Variants in NYAP2 observed in about 807,000 individuals in gnomAD.
NYAP2 encodes neuronal tyrosine-phosphorylated phosphoinositide-3-kinase adaptor 2.
NYAP2 carries 23 observed loss-of-function variants against 50.4 expected under a neutral mutation model. The observed-to-expected ratio is 0.46, with a 90% CI of 0.33 to 0.65. NYAP2 has a LOEUF of 0.65. Among genes scored for constraint, NYAP2 ranks in the 30% least tolerant of loss-of-function variants. The pLI is 0.02. For synonymous variants in NYAP2, 394 were observed against 365.2 expected (o/e 1.08, Z -0.90); for missense variants, 885 against 861.0 (o/e 1.03, Z -0.35).
intron 4 of NYAP2, among the ~76,000 whole-genome samples, chr2:225,550,158 A>G (rs1281935916): frequency 6.6e-6 from 1 of 152,194 alleles, no homozygotes; most frequent in African/African-American, 2.4e-5. Flanking sequence ...CAGGAGGAAA[A>G]AAGTCATTAA....
chr2:225,608,981 T>A (rs1692835901), intron 5 of NYAP2, among the ~76,000 whole-genome samples: 1 of 152,114 alleles, frequency 6.6e-6, no homozygotes, highest in African/African-American at 2.4e-5. Context: ...GCCATTGTAA[T>A]CACACTGGCC....
At position 225,582,644 on chromosome 2, in the gene NYAP2, G is replaced by A. The variant is rs760442473; in HGVS notation, c.1227G>A (p.Ala409=). The change falls in exon 5 of 7, where the codon GCG becomes GCA. Residue 409 remains alanine, a synonymous_variant. Coordinates refer to ENST00000636099, the Ensembl canonical transcript of NYAP2. This position sits in a 1 kb window ranked among gnomAD's most constrained non-coding sequence, Gnocchi z 7.0. ...TGGGACCTGCCTCTGCCACCCCTGC[G>A]CTCTCCTCGTCGCCCCCACCCCCGT... 19 of 1,597,178 alleles carry A rather than the reference G, an allele frequency of 1.2e-5. No individual in the cohort carries two copies. Among genetic ancestry groups the A allele is most frequent in the African/African-American group, 6.7e-5 (5 of 74,182 alleles).
At chr2:225,532,285 G>A (rs767129433) in intron 4 of NYAP2, among the ~76,000 whole-genome samples, 1 of 152,170 alleles carries the variant, frequency 6.6e-6, no homozygotes, top group Non-Finnish European at 1.5e-5. Context: ...GTGACTGCCT[G>A]TGTGCATAAA....
intron 5 of NYAP2, among the ~76,000 whole-genome samples, chr2:225,603,062 A>G (rs1263844451): frequency 6.6e-6 from 1 of 152,218 alleles, no homozygotes; most frequent in Non-Finnish European, 1.5e-5. Context: ...CATCTTAAAA[A>G]TATTAGGCTG....
chr2:225,603,127 A>G (rs891267206), intron 5 of NYAP2, among the ~76,000 whole-genome samples: 1 of 152,312 alleles, frequency 6.6e-6, no homozygotes, highest in African/African-American at 2.4e-5. Flanking sequence ...TTTTCAGTGT[A>G]TAAGTCTTTT....
intron 4 of NYAP2, among the ~76,000 whole-genome samples, chr2:225,527,067 C>T (rs1449015014): frequency 2.6e-5 from 4 of 152,204 alleles, no homozygotes; most frequent in Non-Finnish European, 5.9e-5. Flanking sequence ...ATCTTTCTCT[C>T]GGTTCTTGCC....
intron 4 of NYAP2, among the ~76,000 whole-genome samples, chr2:225,579,096 A>G (rs898109314): frequency 3.5e-5 from 5 of 142,440 alleles, no homozygotes; most frequent in South Asian, 2.2e-4. Context: ...AAGAGAGGGG[A>G]GAGAGAGAGA....
chr2:225,644,152 G>C (rs1208023909), intron 6 of NYAP2, among the ~76,000 whole-genome samples: 2 of 151,988 alleles, frequency 1.3e-5, no homozygotes, highest in Non-Finnish European at 2.9e-5. Context: ...GGTGTGAGAT[G>C]GTATCTCATT....
At chr2:225,539,860 AT>A (rs1248064770) in intron 4 of NYAP2, among the ~76,000 whole-genome samples, 2 of 152,178 alleles carry the variant, frequency 1.3e-5, no homozygotes, top group Non-Finnish European at 1.5e-5. Context: ...CCCTTATAAA[AT>A]GGAATGCTTT....
At chr2:225,646,756 C>G (rs1693642101) in intron 6 of NYAP2, among the ~76,000 whole-genome samples, 1 of 152,164 alleles carries the variant, frequency 6.6e-6, no homozygotes, top group African/African-American at 2.4e-5. Context: ...AACTAGCCCA[C>G]ACAGGGTACT....
At chr2:225,489,794 G>C (rs950824152) in intron 3 of NYAP2, among the ~76,000 whole-genome samples, 2 of 152,144 alleles carry the variant, frequency 1.3e-5, no homozygotes, top group African/African-American at 4.8e-5. Flanking sequence ...CTTGAGAATT[G>C]TCTAAACAAA....
intron 4 of NYAP2, among the ~76,000 whole-genome samples, chr2:225,550,479 C>T (rs936521507): frequency 2.6e-5 from 4 of 152,110 alleles, no homozygotes; most frequent in Admixed American, 6.5e-5. Context: ...GTGGTGGAGG[C>T]GTAAGCCAAA....
At chr2:225,570,486 C>T (rs990462443) in intron 4 of NYAP2, among the ~76,000 whole-genome samples, 2 of 152,158 alleles carry the variant, frequency 1.3e-5, no homozygotes, top group East Asian at 3.9e-4. Flanking sequence ...AGGAAACTTA[C>T]AGTCATGGTG....
intron 3 of NYAP2, among the ~76,000 whole-genome samples, chr2:225,415,270 T>A (rs1476889861): frequency 6.6e-6 from 1 of 152,220 alleles, no homozygotes; most frequent in Non-Finnish European, 1.5e-5. Flanking sequence ...TCAGTATTTC[T>A]GTTACTCAAA....
intron 6 of NYAP2, among the ~76,000 whole-genome samples, chr2:225,647,716 G>A (rs561971749): frequency 1.3e-5 from 2 of 151,768 alleles, no homozygotes; most frequent in Non-Finnish European, 2.9e-5. Context: ...GGTTCCTACC[G>A]GCAAAAATGC....
chr2:225,463,251 G>C (rs1455136416), intron 3 of NYAP2, among the ~76,000 whole-genome samples: 3 of 152,270 alleles, frequency 2.0e-5, no homozygotes, highest in Non-Finnish European at 2.9e-5. Context: ...TTCAGTGCTA[G>C]AGTGTGGGAT....
chr2:225,514,887 T>C (rs142066669), intron 4 of NYAP2, among the ~76,000 whole-genome samples: 13 of 152,292 alleles, frequency 8.5e-5, no homozygotes, highest in Admixed American at 8.5e-4. Context: ...GAGAGCCACA[T>C]GGTCCTTTCT....
intron 5 of NYAP2, among the ~76,000 whole-genome samples, chr2:225,586,982 G>C (rs1242652776): frequency 6.6e-6 from 1 of 152,162 alleles, no homozygotes; most frequent in Non-Finnish European, 1.5e-5. Context: ...GAAGGCGGAG[G>C]GGAAGCAAAG....
intron 3 of NYAP2, among the ~76,000 whole-genome samples, chr2:225,497,018 A>T (rs1324232621): frequency 6.6e-6 from 1 of 152,084 alleles, no homozygotes; most frequent in Admixed American, 6.6e-5. Flanking sequence ...GTTGGAGAAG[A>T]TGAGGTTTGA....
Sources: gnomAD v4.1 joint callset for allele counts (sites outside exome capture counted in the v4.1 genomes callset) on GRCh38, gnomAD v4.1.1 for gene constraint, Gnocchi (gnomAD v3.1) non-coding constraint, MANE v1.5 for transcripts, NCBI Gene and HGNC (gene_info 2026-07-23, HGNC 2026-07-21) for gene names.